XYLT1: variants seen among roughly 807,000 people sequenced by gnomAD.
XYLT1 encodes xylosyltransferase 1, also known as beta-D-xylosyltransferase 1.
A neutral mutation model predicts 91.3 loss-of-function variants in XYLT1; 36 were observed. That is an observed-to-expected ratio of 0.39 (90% CI 0.30 to 0.52). The LOEUF is 0.52. XYLT1 is among the 20% of genes least tolerant of loss of function. The pLI is 0.68. For missense variants in XYLT1, 1,242 were observed against 1,284.5 expected (o/e 0.97, Z 0.51); for synonymous variants, 588 against 532.0 (o/e 1.11, Z -1.45).
intron 2 of XYLT1, among the ~76,000 whole-genome samples, chr16:17,263,738 C>T (rs375499620): frequency 1.3e-5 from 2 of 151,988 alleles, no homozygotes; most frequent in Non-Finnish European, 2.9e-5. Flanking sequence ...GATGGAGTTT[C>T]ACTCTTGTCA....
At chr16:17,392,155 C>T (rs1336610171) in intron 1 of XYLT1, among the ~76,000 whole-genome samples, 1 of 152,212 alleles carries the variant, frequency 6.6e-6, no homozygotes, top group Non-Finnish European at 1.5e-5. Context: ...CTAAACTTCT[C>T]TCCTTGATCA....
intron 1 of XYLT1, among the ~76,000 whole-genome samples, chr16:17,455,320 T>G (rs2036726640): frequency 6.6e-6 from 1 of 152,212 alleles, no homozygotes; most frequent in Non-Finnish European, 1.5e-5. Flanking sequence ...GTTTAGCAAG[T>G]TTTTATAATA....
rs549551660 is a variant in XYLT1 at position 17,422,664 on chromosome 16, C to T, written c.363+47770G>A. On this transcript the variant is annotated intron_variant, in intron 1 of 11. Coordinates refer to ENST00000261381, the MANE Select transcript of XYLT1 (RefSeq NM_022166.4). ...CTGGCATTAAAGGCATGCAACACCACGCCTAACTAATTTTTGTATTTTTAG... is the reference window on the plus strand; with the variant it reads ...CTGGCATTAAAGGCATGCAACACCATGCCTAACTAATTTTTGTATTTTTAG... Among the ~76,000 whole-genome samples the T allele has an allele frequency of 1.7e-4, 26 of 152,076 alleles. No individual in the cohort carries two copies. The South Asian group carries it at 5.0e-3, about 29-fold the overall frequency.
At chr16:17,262,029 A>C (rs934914413) in intron 2 of XYLT1, among the ~76,000 whole-genome samples, 2 of 152,074 alleles carry the variant, frequency 1.3e-5, no homozygotes, top group African/African-American at 2.4e-5. Context: ...TTCTATCCAG[A>C]GGCCCTTGAA....
chr16:17,402,290 A>G (rs908389759), intron 1 of XYLT1, among the ~76,000 whole-genome samples: 1 of 152,056 alleles, frequency 6.6e-6, no homozygotes, highest in Non-Finnish European at 1.5e-5. Context: ...ACTGTACTCC[A>G]GCCTGGGCAA....
At chr16:17,425,443 G>A (rs973389026) in intron 1 of XYLT1, among the ~76,000 whole-genome samples, 1 of 152,112 alleles carries the variant, frequency 6.6e-6, no homozygotes, top group Admixed American at 6.5e-5. Context: ...ACTCTAGATA[G>A]TTGAGGCTAA....
chr16:17,366,076 T>TTC (rs1353343394), intron 1 of XYLT1, among the ~76,000 whole-genome samples: 1 of 138,738 alleles, frequency 7.2e-6, no homozygotes, highest in Non-Finnish European at 1.5e-5. Flanking sequence ...TTTTTTTTTT[T>TTC]TTGGCCTGCA....
At chr16:17,202,382 G>A (rs763501195) in intron 3 of XYLT1, among the ~76,000 whole-genome samples, 8 of 152,192 alleles carry the variant, frequency 5.3e-5, no homozygotes, top group African/African-American at 1.2e-4. Context: ...CAAGATTGAC[G>A]TAGATAATAT....
At chr16:17,207,052 C>CTTTTTTTTTTT (rs1211378641) in intron 3 of XYLT1, among the ~76,000 whole-genome samples, 3 of 121,084 alleles carry the variant, frequency 2.5e-5, no homozygotes, top group South Asian at 2.4e-4. Context: ...TCTTTTCTTT[C>CTTTTTTTTTTT]TTTTTTTTTT....
rs575233626 is a variant in XYLT1, at chr16:17,167,448, T to C, written c.1290-8539A>G. Among the ~76,000 whole-genome samples the C allele has an allele frequency of 3.0e-3, 458 of 151,232 alleles. 2 individuals carry two copies. The highest frequency in any genetic ancestry group is 0.011 in the African/African-American group (444 of 41,184). On this transcript the variant is annotated intron_variant, in intron 5 of 11. Transcript: ENST00000261381. ...CTAACCCATCCTTCCATCTCGTGAATGGATTCTAACCCATCCTTCCATCTC... is the reference window on the plus strand; with the variant it reads ...CTAACCCATCCTTCCATCTCGTGAACGGATTCTAACCCATCCTTCCATCTC...
chr16:17,148,781 A>G (rs1455256936), intron 6 of XYLT1, among the ~76,000 whole-genome samples: 2 of 152,220 alleles, frequency 1.3e-5, no homozygotes, highest in African/African-American at 4.8e-5. Context: ...AAAAAGATAG[A>G]AAGAACGGAT....
chr16:17,398,267 T>C (rs2035915916), intron 1 of XYLT1, among the ~76,000 whole-genome samples: 1 of 152,164 alleles, frequency 6.6e-6, no homozygotes, highest in Non-Finnish European at 1.5e-5. Flanking sequence ...ACTGCTTAAG[T>C]GCCTGCTGGA....
At chr16:17,260,101 A>C (rs1728091721) in intron 2 of XYLT1, among the ~76,000 whole-genome samples, 1 of 151,890 alleles carries the variant, frequency 6.6e-6, no homozygotes, top group South Asian at 2.1e-4. Context: ...TCCTGGAGCA[A>C]AGCAAACTTG....
At chr16:17,330,718 C>T (rs1323719947) in intron 2 of XYLT1, among the ~76,000 whole-genome samples, 2 of 151,644 alleles carry the variant, frequency 1.3e-5, no homozygotes, top group Non-Finnish European at 2.9e-5. Flanking sequence ...CGCTTGAACC[C>T]GGGAGGCGGA....
At chr16:17,256,984 T>C (rs1056132138) in intron 3 of XYLT1, among the ~76,000 whole-genome samples, 2 of 152,230 alleles carry the variant, frequency 1.3e-5, no homozygotes, top group Non-Finnish European at 2.9e-5. Flanking sequence ...CTAGCTCGAC[T>C]CTGACATGCC....
At chr16:17,159,076 A>G (rs540966723) in intron 5 of XYLT1, among the ~76,000 whole-genome samples, 167 bp from the exon 6 acceptor site, 12 of 152,178 alleles carry the variant, frequency 7.9e-5, no homozygotes, top group Non-Finnish European at 1.6e-4. Flanking sequence ...TTATGTCACC[A>G]TCACTGACTC....
chr16:17,298,086 CA>C (rs2034339973), intron 2 of XYLT1, among the ~76,000 whole-genome samples: 3 of 152,066 alleles, frequency 2.0e-5, no homozygotes, highest in Admixed American at 1.3e-4. Flanking sequence ...CTCCATTCTA[CA>C]GATGAGGAAA....
intron 6 of XYLT1, among the ~76,000 whole-genome samples, chr16:17,149,821 G>A (rs1410994390): frequency 1.3e-5 from 2 of 152,158 alleles, no homozygotes; most frequent in African/African-American, 4.8e-5. Context: ...TTCTCACAGG[G>A]GAAATGGTGA....
chr16:17,448,811 T>C (rs1231107275), intron 1 of XYLT1, among the ~76,000 whole-genome samples: 1 of 152,028 alleles, frequency 6.6e-6, no homozygotes, highest in Non-Finnish European at 1.5e-5. Flanking sequence ...TGGTGCTTAA[T>C]ACAGGCCCAG....
Sources: gnomAD v4.1 joint callset for allele counts (sites outside exome capture counted in the v4.1 genomes callset) on GRCh38, gnomAD v4.1.1 for gene constraint, MANE v1.5 for transcripts, NCBI Gene and HGNC (gene_info 2026-07-23, HGNC 2026-07-21) for gene names.